Variants in SH3GL2 observed in about 807,000 individuals in gnomAD.
The protein encoded by SH3GL2 is endophilin-A1.
SH3GL2 carries 24 observed loss-of-function variants against 46.0 expected under a neutral mutation model. That is an observed-to-expected ratio of 0.52 (90% confidence interval 0.38 to 0.73). The LOEUF (loss-of-function observed/expected upper bound fraction) is 0.73. Among genes scored for constraint, SH3GL2 ranks in the 30% least tolerant of loss-of-function variants. SH3GL2 has a pLI of 0.00. For synonymous variants in SH3GL2, 196 were observed against 147.1 expected, an observed-to-expected ratio of 1.33 and a Z score of -2.40; for missense variants, 413 against 424.2, an observed-to-expected ratio of 0.97 and a Z score of 0.23.
intron 2 of SH3GL2, 147 bp downstream of exon 2, chr9:17,747,281 G>A (rs2031456): frequency 0.71 from 405,565 of 567,926 alleles, 146,121 homozygotes; most frequent in East Asian, 0.81. Flanking sequence ...TTTCATGTAT[G>A]TTTTAAAACA....
chr9:17,597,326 A>G (rs575983147), intron 1 of SH3GL2, among the ~76,000 whole-genome samples: 1 of 152,236 alleles, frequency 6.6e-6, no homozygotes, highest in African/African-American at 2.4e-5. Context: ...GTTCAAAGCC[A>G]GCCTGACCAA....
intron 1 of SH3GL2, among the ~76,000 whole-genome samples, chr9:17,714,293 T>C (rs1821698936): frequency 6.6e-6 from 1 of 151,758 alleles, no homozygotes; most frequent in Non-Finnish European, 1.5e-5. Flanking sequence ...TCGTTGGGTC[T>C]TCATCTTTTA....
Position 17,786,483 on chromosome 9 carries a change from T to C in SH3GL2, c.290T>C (p.Met97Thr), listed in dbSNP as rs780087418. The change falls in exon 4 of 9, where the codon ATG becomes ACG. Residue 97 changes from methionine to threonine, a missense_variant. Physicochemically the swap from Met to Thr is moderately conservative, Grantham distance 81. This residue lies in a region of SH3GL2 where 160 missense variants were observed against 192.3 expected (regional missense o/e 0.83). Coordinates refer to ENST00000380607, the MANE Select transcript of SH3GL2 (RefSeq NM_003026.5). Reference protein sequence around the residue: ...PQAEALLAEAMLKFGRELGDD... With the variant: ...PQAEALLAEATLKFGRELGDD... The stretch of plus-strand genomic sequence containing the variant: ...GCAGAGGCGCTGCTGGCAGAGGCCA[T>C]GCTCAAATTTGGAAGAGAGCTTGGA... 2 of 1,613,500 alleles carry C rather than the reference T, an allele frequency of 1.2e-6. No individual in the cohort carries two copies. Among genetic ancestry groups the C allele is most frequent in the East Asian group, 2.2e-5 (1 of 44,854 alleles).
At chr9:17,624,314 A>G (rs990639210) in intron 1 of SH3GL2, among the ~76,000 whole-genome samples, 1 of 152,122 alleles carries the variant, frequency 6.6e-6, no homozygotes, top group Non-Finnish European at 1.5e-5. Flanking sequence ...CTTCCCTTGC[A>G]ATAAGTGGTC....
chr9:17,775,891 C>G (rs1437417073), intron 3 of SH3GL2, among the ~76,000 whole-genome samples: 1 of 152,150 alleles, frequency 6.6e-6, no homozygotes, highest in African/African-American at 2.4e-5. Flanking sequence ...GGGTTGGATT[C>G]TCTTCTTCCC....
intron 5 of SH3GL2, among the ~76,000 whole-genome samples, chr9:17,789,170 TTTATCTTTTATTCTTAA>T (rs1473064961): frequency 6.6e-6 from 1 of 152,204 alleles, no homozygotes; most frequent in East Asian, 1.9e-4. Flanking sequence ...TTTCCTATAA[TTTATCTTTTATTCTTAA>T]TTATTTTTAA....
At chr9:17,711,133 A>G (rs970379885) in intron 1 of SH3GL2, among the ~76,000 whole-genome samples, 3 of 151,864 alleles carry the variant, frequency 2.0e-5, no homozygotes, top group African/African-American at 7.3e-5. Flanking sequence ...TAACTCATGT[A>G]AGGTGCTTCA....
intron 3 of SH3GL2, among the ~76,000 whole-genome samples, chr9:17,773,917 C>T (rs773746212): frequency 6.6e-5 from 10 of 151,994 alleles, no homozygotes; most frequent in African/African-American, 9.7e-5. Context: ...ATTAAGTCTT[C>T]GAGTTCATGA....
chr9:17,734,532 A>G (rs558933885), intron 1 of SH3GL2, among the ~76,000 whole-genome samples: 31 of 152,260 alleles, frequency 2.0e-4, no homozygotes, highest in African/African-American at 7.5e-4. Flanking sequence ...CACAGTTTTC[A>G]ACCTAGTAAG....
intron 1 of SH3GL2, among the ~76,000 whole-genome samples, chr9:17,636,369 C>T (rs1194145419): frequency 8.5e-5 from 13 of 152,148 alleles, no homozygotes; most frequent in Admixed American, 8.5e-4. Context: ...ATCCCACACC[C>T]AAAACTCCCA....
intron 1 of SH3GL2, among the ~76,000 whole-genome samples, chr9:17,643,746 T>C (rs1236725238): frequency 6.6e-6 from 1 of 152,226 alleles, no homozygotes; most frequent in Non-Finnish European, 1.5e-5. Context: ...AGTATTTTAT[T>C]GAGCATTTTC....
chr9:17,707,353 T>C (rs972761979), intron 1 of SH3GL2, among the ~76,000 whole-genome samples: 1 of 152,058 alleles, frequency 6.6e-6, no homozygotes, highest in Admixed American at 6.6e-5. Context: ...GTAATCTCAC[T>C]AGCTATCTTC....
Position 17,789,475 on chromosome 9 carries a change from T to A in SH3GL2, c.549T>A (p.Leu183=). 1 of 1,613,520 alleles carries A rather than the reference T, an allele frequency of 6.2e-7. No individual in the cohort carries two copies. The change falls in exon 6 of 9, where the codon CTT becomes CTA. Residue 183 remains leucine (L), a synonymous_variant. Transcript: ENST00000380607. ...AAGGCAAGATTCCGGATGAAGAGCTTCGTCAAGCTCTAGAGAAATTTGATG... is the reference window on the plus strand; with the variant it reads ...AAGGCAAGATTCCGGATGAAGAGCTACGTCAAGCTCTAGAGAAATTTGATG... ...KRQGKIPDEE[L]RQALEKFDES... is the part of the protein sequence containing the mutation.
chr9:17,672,900 T>C (rs76172020), intron 1 of SH3GL2, among the ~76,000 whole-genome samples: 2,359 of 152,308 alleles, frequency 0.015, 72 homozygotes, highest in African/African-American at 0.054. Flanking sequence ...CGTACATTCA[T>C]AGGCCCAACT....
chr9:17,732,955 G>C (rs1014797201), intron 1 of SH3GL2, among the ~76,000 whole-genome samples: 3 of 152,074 alleles, frequency 2.0e-5, no homozygotes, highest in Non-Finnish European at 2.9e-5. Flanking sequence ...TCCTCTCTCT[G>C]TAACACCTGG....
chr9:17,592,950 A>T (rs1443103505), intron 1 of SH3GL2, among the ~76,000 whole-genome samples: 1 of 152,204 alleles, frequency 6.6e-6, no homozygotes, highest in African/African-American at 2.4e-5. Context: ...CCGGTGATTT[A>T]ATCAGTCATG....
At chr9:17,661,448 G>A (rs770886993) in intron 1 of SH3GL2, among the ~76,000 whole-genome samples, 15 of 152,204 alleles carry the variant, frequency 9.9e-5, no homozygotes, top group East Asian at 1.9e-4. Context: ...AAAACCAACC[G>A]AAAAAGTAAA....
At chr9:17,622,839 A>AACCAAGACTCAAAGACT (rs1431907387) in intron 1 of SH3GL2, among the ~76,000 whole-genome samples, 1 of 152,066 alleles carries the variant, frequency 6.6e-6, no homozygotes, top group Non-Finnish European at 1.5e-5. Context: ...GGGGCATGAA[A>AACCAAGACTCAAAGACT]ACCAAGACTC....
At chr9:17,592,676 AGTGTTCTT>A (rs2134549709) in intron 1 of SH3GL2, among the ~76,000 whole-genome samples, 1 of 152,312 alleles carries the variant, frequency 6.6e-6, no homozygotes, top group African/African-American at 2.4e-5. Context: ...TTGGGGATTC[AGTGTTCTT>A]AAGGACCATG....
Sources: gnomAD v4.1 joint callset for allele counts (sites outside exome capture counted in the v4.1 genomes callset) on GRCh38, gnomAD v4.1.1 for gene constraint, gnomAD v4.1.1 regional missense constraint, MANE v1.5 for transcripts, NCBI Gene and HGNC (gene_info 2026-07-23, HGNC 2026-07-21) for gene names.